The following ARL6 variants were observed in gnomAD, a reference collection of about 807,000 sequenced individuals.
The protein encoded by ARL6 is ADP-ribosylation factor-like protein 6.
Under a neutral mutation model 27.1 loss-of-function variants are expected in ARL6, and 18 were observed. The observed-to-expected ratio is 0.66, with a 90% CI of 0.46 to 0.98. The LOEUF is 0.98. Ranked by LOEUF, ARL6 falls within the 50% of genes least tolerant of loss-of-function variation. The pLI, the probability that ARL6 is intolerant of heterozygous loss-of-function variation, is 0.00. For synonymous variants in ARL6, 65 were observed against 72.3 expected (o/e 0.90, Z 0.51); for missense variants, 187 against 214.9 (o/e 0.87, Z 0.81).
Position 97,799,351 on chromosome 3 carries a change from G to T in ARL6, c.*1302G>T, listed in dbSNP as rs2038149557. ...TCCAGTTTCTTATAGTCCAGAAATA[G>T]CAGTGATTTGGCATTTGGCAAATTG... On this transcript the variant is annotated 3_prime_UTR_variant, in exon 8 of 8. Transcript: ENST00000463745. 1 of 152,016 alleles carries T rather than the reference G, an allele frequency of 6.6e-6. No homozygotes were observed. The highest frequency in any genetic ancestry group is 1.5e-5 in the Non-Finnish European group (1 of 67,924). 9.4% of individuals were successfully genotyped at this position (152,016 alleles called of 1,614,324 possible).
rs1472927602 is a variant in ARL6, at chr3:97,780,611, G to A, written c.186-4G>A. 6.2e-7 allele frequency: 1 copy of A among 1,611,778 alleles called. No individual in the cohort carries two copies. The highest frequency in any genetic ancestry group is 1.1e-5 in the South Asian group (1 of 90,990). ...ATGTAGTCATGTTTTGCTTCTTTTT[G>A]TAGTTTGTCATTTACAGTGTTTGAC... On this transcript the variant is annotated splice_region_variant and splice_polypyrimidine_tract_variant and intron_variant, in intron 3 of 7. Coordinates refer to ENST00000463745, the MANE Select transcript of ARL6 (RefSeq NM_001278293.3).
chr3:97,794,624 A>G (rs1400748419), intron 7 of ARL6, among the ~76,000 whole-genome samples: 1 of 152,178 alleles, frequency 6.6e-6, no homozygotes. Flanking sequence ...AAATAGCAGT[A>G]AATATAGGAG....
chr3:97,768,126 C>G lies in ARL6; in HGVS notation c.19C>G (p.Leu7Val). Residue 7 changes from leucine (L) to valine (V), a missense_variant, in exon 2 of 8, where the codon CTT (leucine) becomes GTT (valine). Physicochemically the swap from Leu to Val is conservative, Grantham distance 32 (BLOSUM62 1). Transcript: ENST00000463745. ...TCACATTATGGGATTGCTAGACAGA[C>G]TTTCAGTCTTGCTTGGCCTGAAGAA... MGLLDR[L>V]SVLLGLKKKE... The G allele has an allele frequency of 6.2e-7, 1 of 1,613,048 alleles. No individual in the cohort carries two copies. Among genetic ancestry groups the G allele is most frequent in the Non-Finnish European group, 8.5e-7 (1 of 1,179,158 alleles).
intron 1 of ARL6, chr3:97,766,147 A>G (rs1457248991): frequency 1.3e-5 from 2 of 152,236 alleles, no homozygotes; most frequent in Non-Finnish European, 2.9e-5. Context: ...GCTTTATAGT[A>G]GATGCTTAAA....
chr3:97,788,217 A>G (rs2037553754), intron 6 of ARL6, 98 bp downstream of exon 6: 1 of 1,274,936 alleles, frequency 7.8e-7, no homozygotes, highest in Non-Finnish European at 1.1e-6. Context: ...TAAGTGATCA[A>G]ACATGGTGGC....
intron 2 of ARL6, among the ~76,000 whole-genome samples, chr3:97,770,095 T>C (rs1305076005): frequency 2.6e-5 from 4 of 152,128 alleles, no homozygotes; most frequent in Admixed American, 2.0e-4. Context: ...TTTAGTTTCA[T>C]GCGGAAACAC....
At chr3:97,793,994 A>C (rs1220785439) in intron 7 of ARL6, among the ~76,000 whole-genome samples, 1 of 152,080 alleles carries the variant, frequency 6.6e-6, no homozygotes, top group Non-Finnish European at 1.5e-5. Flanking sequence ...AAAATGTGTT[A>C]TATTTTGTAC....
intron 5 of ARL6, among the ~76,000 whole-genome samples, chr3:97,787,685 A>G (rs2037524522): frequency 6.6e-6 from 1 of 152,150 alleles, no homozygotes; most frequent in Non-Finnish European, 1.5e-5. Context: ...AAAAGGAAAC[A>G]AAATATTTAA....
At chr3:97,779,370 G>C (rs2037067907) in intron 2 of ARL6, among the ~76,000 whole-genome samples, 1 of 152,074 alleles carries the variant, frequency 6.6e-6, no homozygotes, top group Non-Finnish European at 1.5e-5. Flanking sequence ...TACTCAGAGA[G>C]ACCATTCCTG....
Position 97,784,998 on chromosome 3 carries a change from T to TC in ARL6, c.298_299insC (p.Leu100SerfsTer20), listed in dbSNP as rs1229911722. 2 of 1,612,960 alleles carry TC rather than the reference T, an allele frequency of 1.2e-6. No individual in the cohort carries two copies. The highest frequency in any genetic ancestry group is 4.5e-5 in the East Asian group (2 of 44,728). Reference sequence around the variant, plus strand: ...TTTTGTCATTGATAGTAGTGATAGATTAAGAATGGTTGTGGCCAAAGAAGA... The same window carrying TC: ...TTTTGTCATTGATAGTAGTGATAGATCTAAGAATGGTTGTGGCCAAAGAAGA... On this transcript the variant is annotated frameshift_variant, in exon 5 of 8. Transcript: ENST00000463745. LOFTEE classifies it high-confidence loss of function.
chr3:97,774,357 A>T (rs2036789456), intron 2 of ARL6, among the ~76,000 whole-genome samples: 2 of 146,346 alleles, frequency 1.4e-5, no homozygotes, highest in South Asian at 4.2e-4. Context: ...TTCTAGAAGC[A>T]GGCGGGGGTA....
chr3:97,787,592 T>G (rs560183340), intron 5 of ARL6, among the ~76,000 whole-genome samples: 114 of 152,304 alleles, frequency 7.5e-4, no homozygotes, highest in Non-Finnish European at 1.3e-3. Context: ...ACTTATGATA[T>G]TGTGACAAAA....
At position 97,799,210 on chromosome 3, in the gene ARL6, G is replaced by A. The variant is rs2038142239; in HGVS notation, c.*1161G>A. 1 of 151,988 alleles carries A rather than the reference G, an allele frequency of 6.6e-6. No individual in the cohort carries two copies. Among genetic ancestry groups the A allele is most frequent in the Admixed American group, 6.6e-5 (1 of 15,260 alleles). The allele number at this position is 151,988 out of a possible 1,614,324, so 9.4% of individuals were successfully genotyped here. A position where few individuals can be genotyped will look rare whatever the true frequency, so the allele number is the denominator to read the frequency against. On this transcript the variant is annotated 3_prime_UTR_variant, in exon 8 of 8. Coordinates refer to ENST00000463745, the MANE Select transcript of ARL6 (RefSeq NM_001278293.3). ...AAGTATGCTTAGCTTTGAAAATGAT[G>A]AAAATAGAAGGCAAAAGTAAGTGAG...
intron 4 of ARL6, among the ~76,000 whole-genome samples, chr3:97,781,103 C>T (rs1265953924): frequency 6.6e-6 from 1 of 152,068 alleles, no homozygotes; most frequent in Non-Finnish European, 1.5e-5. Context: ...ATAGCCGCCT[C>T]CCTAGTGGAA....
chr3:97,791,945 G>T (rs982894999), intron 7 of ARL6, 119 bp downstream of exon 7: 41 of 903,464 alleles, frequency 4.5e-5, no homozygotes, highest in Admixed American at 3.6e-4. Context: ...ATTTATTTCT[G>T]CTATCAGAAA....
chr3:97,777,377 C>G (rs1490288112), intron 2 of ARL6, among the ~76,000 whole-genome samples: 1 of 152,070 alleles, frequency 6.6e-6, no homozygotes, highest in African/African-American at 2.4e-5. Context: ...CTTCCACCCT[C>G]CTACCTATAT....
At position 97,799,452 on chromosome 3, in the gene ARL6, T is replaced by C. The variant is rs377130726; in HGVS notation, c.*1403T>C. 7.2e-4 allele frequency: 109 copies of C among 152,162 alleles called. No individual in the cohort carries two copies. Among genetic ancestry groups the C allele is most frequent in the African/African-American group, 2.4e-3 (101 of 41,558 alleles). 9.4% of individuals were successfully genotyped at this position (152,162 alleles called of 1,614,324 possible). A position where few individuals can be genotyped will look rare whatever the true frequency, so the allele number is the denominator to read the frequency against. The stretch of plus-strand genomic sequence containing the variant: ...CTCTCTTGTAAATTGTTTTAGAGGA[T>C]ACAAAATGAAAATCTCATTAATCTA... On this transcript the variant is annotated 3_prime_UTR_variant, in exon 8 of 8. Coordinates refer to ENST00000463745, the MANE Select transcript of ARL6 (RefSeq NM_001278293.3).
chr3:97,780,538 A>C lies in ARL6; in HGVS notation c.186-77A>C, dbSNP rs1345387155. The C allele has an allele frequency of 2.5e-6, 3 of 1,220,156 alleles. No individual in the cohort carries two copies. The East Asian group carries it at 7.4e-5, about 30-fold the overall frequency. 75.6% of individuals were successfully genotyped at this position (1,220,156 alleles called of 1,614,324 possible). ...TTGCATATGAAGGGTAATTTCTTTG[A>C]TTGTAAATAATTTAAAATTTTAAGT... On this transcript the variant is annotated intron_variant, in intron 3 of 7. Transcript: ENST00000463745.
intron 2 of ARL6, among the ~76,000 whole-genome samples, chr3:97,775,608 T>G (rs2036859360): frequency 6.6e-6 from 1 of 152,170 alleles, no homozygotes. Context: ...GGATCAATAC[T>G]TTGCATCCTT....
Sources: gnomAD v4.1 joint callset for allele counts (sites outside exome capture counted in the v4.1 genomes callset) on GRCh38, gnomAD v4.1.1 for gene constraint, MANE v1.5 for transcripts, NCBI Gene and HGNC (gene_info 2026-07-23, HGNC 2026-07-21) for gene names.